SMARCC2: variants seen among roughly 807,000 people sequenced by gnomAD.
The protein encoded by SMARCC2 is SWI/SNF related BAF chromatin remodeling complex subunit C2, also known as SWI/SNF complex subunit SMARCC2.
SMARCC2 carries 15 observed loss-of-function variants against 151.3 expected under a neutral mutation model. That is an observed-to-expected ratio of 0.10 (90% CI 0.07 to 0.15). The LOEUF (loss-of-function observed/expected upper bound fraction) is 0.15. Among genes scored for constraint, SMARCC2 ranks in the 10% least tolerant of loss-of-function variants. The pLI is 1.00. For missense variants in SMARCC2, 1,031 were observed against 1,599.7 expected (o/e 0.64, Z 6.06); for synonymous variants, 590 against 609.5 (o/e 0.97, Z 0.47).
At chr12:56,180,432 T>C (rs1438970383) in intron 11 of SMARCC2, among the ~76,000 whole-genome samples, 1 of 111,482 alleles carries the variant, frequency 9.0e-6, no homozygotes, top group East Asian at 2.7e-4. Context: ...AGATGGAGTT[T>C]TGCTCTTGTC....
chr12:56,177,906 G>A (rs1341093579), intron 15 of SMARCC2, 116 bp downstream of exon 15: 2 of 733,518 alleles, frequency 2.7e-6, no homozygotes, highest in Non-Finnish European at 4.7e-6. Flanking sequence ...CTAGCATAGT[G>A]CCTGGCTCAT....
chr12:56,165,261 C>G, intron 27 of SMARCC2, 57 bp downstream of exon 27: 1 of 1,450,936 alleles, frequency 6.9e-7, no homozygotes, highest in Non-Finnish European at 9.0e-7. Flanking sequence ...TTGAGGAGAA[C>G]TGGGACATTC....
rs182141669 is a variant in SMARCC2, at chr12:56,166,769, T to A, written c.2851-1070A>T. The stretch of plus-strand genomic sequence containing the variant: ...CACGCCCGGCTAATTTGTTTATTTT[T>A]AAAAAATGTTTGGGCTGGGCACGGT... On this transcript the variant is annotated intron_variant, in intron 26 of 28. Transcript: ENST00000550164. 6.1e-4 allele frequency among the ~76,000 whole-genome samples: 93 copies of A among 152,104 alleles called. 2 individuals are homozygous for A. The highest frequency in any genetic ancestry group is 1.0e-3 in the Non-Finnish European group (71 of 67,980).
rs1835849895 is a variant in SMARCC2 at position 56,181,402 on chromosome 12, A to T, written c.956+80T>A. On this transcript the variant is annotated intron_variant, in intron 10 of 28. Coordinates refer to ENST00000550164, the MANE Select transcript of SMARCC2 (RefSeq NM_001330288.2). ...ACCCAGGTCAGGGCCAGGTGGTTAT[A>T]GGAAGGGATTTGTCTTTCCTTCCTT... The T allele has an allele frequency of 3.3e-6, 3 of 908,748 alleles. No homozygotes were observed. The South Asian group carries it at 5.2e-5, about 16-fold the overall frequency. The allele number at this position is 908,748 out of a possible 1,614,324, so 56.3% of individuals were successfully genotyped here.
intron 15 of SMARCC2, among the ~76,000 whole-genome samples, chr12:56,175,724 CCTAT>C (rs1338341909): frequency 6.6e-6 from 1 of 152,086 alleles, no homozygotes; most frequent in African/African-American, 2.4e-5. Context: ...TCCTCTATAC[CCTAT>C]CTGTCAACTG....
At position 56,168,022 on chromosome 12, in the gene SMARCC2, G is replaced by A. The variant is rs1158983709; in HGVS notation, c.2850+38C>T. 3.2e-6 allele frequency: 5 copies of A among 1,568,840 alleles called. No individual in the cohort carries two copies. The South Asian group carries it at 5.6e-5, about 17-fold the overall frequency. ...CACGCCCCTCCGATTTTAAACTGAG[G>A]CACAGCGCAGCAGGGTTCCAGGGCT... On this transcript the variant is annotated intron_variant, in intron 26 of 28. Coordinates refer to ENST00000550164, the MANE Select transcript of SMARCC2 (RefSeq NM_001330288.2).
At chr12:56,169,972 A>G in intron 23 of SMARCC2, 61 bp from the exon 24 acceptor site, 1 of 1,528,802 alleles carries the variant, frequency 6.5e-7, no homozygotes, top group East Asian at 2.2e-5. Context: ...GTTCTCACAC[A>G]GAGGGGCCAG....
intron 3 of SMARCC2, 143 bp downstream of exon 3, chr12:56,186,012 C>G (rs1877163967): frequency 3.0e-6 from 2 of 664,698 alleles, no homozygotes; most frequent in Non-Finnish European, 5.3e-6. Flanking sequence ...TCCCAACCAT[C>G]TTCCTGACGT....
At chr12:56,176,256 A>G (rs1012637105) in intron 15 of SMARCC2, among the ~76,000 whole-genome samples, 4 of 152,154 alleles carry the variant, frequency 2.6e-5, no homozygotes, top group African/African-American at 9.7e-5. Context: ...CTTTTCACAC[A>G]TACTGCTTTC....
intron 27 of SMARCC2, 146 bp downstream of exon 27, chr12:56,165,172 G>T: frequency 9.5e-7 from 1 of 1,049,848 alleles, no homozygotes; most frequent in Non-Finnish European, 1.3e-6. Flanking sequence ...GACTCCTGCT[G>T]ATTTAGGGGC....
chr12:56,169,587 T>A lies in SMARCC2; in HGVS notation c.2657A>T (p.Glu886Val), dbSNP rs745534649. 1.9e-6 allele frequency: 3 copies of A among 1,613,956 alleles called. No individual in the cohort carries two copies. The African/African-American group carries it at 4.0e-5, about 22-fold the overall frequency. ...GGCAGCAGCGGTGGAGAGGTTGCCC[T>A]CGCCAATGTCCCGCTCCACCTTTGT... Reference protein sequence around the residue: ...RKTKVERDIGEGNLSTAAAAA... With the variant: ...RKTKVERDIGVGNLSTAAAAA... Residue 886 changes from glutamate (E) to valine (V), a missense_variant, in exon 25 of 29, where the codon GAG (glutamate) becomes GTG (valine). Coordinates refer to ENST00000550164, the MANE Select transcript of SMARCC2 (RefSeq NM_001330288.2).
At chr12:56,187,504 C>A (rs1281806879) in intron 1 of SMARCC2, among the ~76,000 whole-genome samples, 198 bp from the exon 2 acceptor site, 1 of 152,190 alleles carries the variant, frequency 6.6e-6, no homozygotes, top group African/African-American at 2.4e-5. Context: ...TCTGCTGCCA[C>A]CAGCCCAGGT....
At chr12:56,182,219 T>C (rs963272810) in intron 7 of SMARCC2, 140 bp from the exon 8 acceptor site, 12 of 573,454 alleles carry the variant, frequency 2.1e-5, no homozygotes, top group East Asian at 9.2e-5. Flanking sequence ...CATTATAAAG[T>C]AGTAAAAGCA....
rs769060529 is a variant in SMARCC2, at chr12:56,173,669, C to G, written c.1650+27G>C. 2.5e-6 allele frequency: 4 copies of G among 1,584,146 alleles called. No individual in the cohort carries two copies. The East Asian group carries it at 6.8e-5, about 27-fold the overall frequency. ...AAAGAAGCCCAATCTTCCCAACCCG[C>G]CCCATCCCCATAGCACCTCACCCTA... On this transcript the variant is annotated intron_variant, in intron 17 of 28. Coordinates refer to ENST00000550164, the MANE Select transcript of SMARCC2 (RefSeq NM_001330288.2).
rs753519780 is a variant in SMARCC2 at position 56,169,930 on chromosome 12, A to G, written c.2413-19T>C. 6.1e-5 allele frequency: 98 copies of G among 1,611,588 alleles called. No individual in the cohort carries two copies. The highest frequency in any genetic ancestry group is 8.2e-5 in the Non-Finnish European group (97 of 1,178,710). ...GGGGTTCCTGAAATTCCAGTGATAGAAAAGGAGAGTTATCAGGGATTAGGG... is the reference window on the plus strand; with the variant it reads ...GGGGTTCCTGAAATTCCAGTGATAGGAAAGGAGAGTTATCAGGGATTAGGG... On this transcript the variant is annotated intron_variant, in intron 23 of 28. Coordinates refer to ENST00000550164, the MANE Select transcript of SMARCC2 (RefSeq NM_001330288.2).
intron 26 of SMARCC2, among the ~76,000 whole-genome samples, chr12:56,166,481 G>A (rs1872787677): frequency 6.6e-6 from 1 of 151,838 alleles, no homozygotes; most frequent in Admixed American, 6.6e-5. Context: ...GAATTTGTCA[G>A]ATACTTTAAA....
chr12:56,181,861 G>T, intron 8 of SMARCC2, 26 bp from the exon 9 acceptor site: 1 of 1,613,976 alleles, frequency 6.2e-7, no homozygotes, highest in Non-Finnish European at 8.5e-7. Flanking sequence ...AGATCATGCT[G>T]CAGAGAAGCC....
Position 56,164,357 on chromosome 12 carries a change from C to A in SMARCC2, c.3607G>T (p.Ala1203Ser). 2 of 1,613,726 alleles carry A rather than the reference C, an allele frequency of 1.2e-6. No individual in the cohort carries two copies. Among genetic ancestry groups the A allele is most frequent in the Non-Finnish European group, 1.7e-6 (2 of 1,180,018 alleles). ...TTGCCCTGAACAGCTGCCACAATGGCAGGGCTTTGGGCTGCGGCGGATCCG... is the reference window on the plus strand; with the variant it reads ...TTGCCCTGAACAGCTGCCACAATGGAAGGGCTTTGGGCTGCGGCGGATCCG... ...GLGSAAAQSP[A>S]IVAAVQGNLL... The change falls in exon 28 of 29, where the codon GCC becomes TCC. Residue 1203 changes from alanine to serine, a missense_variant. This residue lies in a region of SMARCC2 where 310 missense variants were observed against 350.0 expected (regional missense o/e 0.89). Coordinates refer to ENST00000550164, the MANE Select transcript of SMARCC2 (RefSeq NM_001330288.2).
intron 25 of SMARCC2, among the ~76,000 whole-genome samples, chr12:56,168,484 C>T (rs1240513061): frequency 3.3e-5 from 5 of 151,744 alleles, no homozygotes; most frequent in Non-Finnish European, 7.4e-5. Context: ...AAGCAATTCT[C>T]GTGCCTTTGC....
Sources: allele counts gnomAD v4.1 joint callset (sites outside exome capture counted in the v4.1 genomes callset), GRCh38; gene constraint gnomAD v4.1.1; regional missense constraint gnomAD v4.1.1; transcripts MANE v1.5; gene names NCBI Gene and HGNC (gene_info 2026-07-23, HGNC 2026-07-21).